The following ZNF202 variants were observed in gnomAD, a reference collection of about 807,000 sequenced individuals.
ZNF202 encodes zinc finger protein with KRAB and SCAN domains 10.
A neutral mutation model predicts 54.5 loss-of-function variants in ZNF202; 22 were observed. The observed-to-expected ratio is 0.40, with a 90% CI of 0.29 to 0.58. ZNF202 has a LOEUF of 0.58. Ranked by LOEUF, ZNF202 falls within the 20% of genes least tolerant of loss-of-function variation. ZNF202 has a pLI of 0.39. For synonymous variants in ZNF202, 294 were observed against 301.4 expected, an observed-to-expected ratio of 0.98 and a Z score of 0.26; for missense variants, 644 against 805.5, an observed-to-expected ratio of 0.80 and a Z score of 2.43.
In ZNF202 at chr11:123,725,875, G is replaced by A. The variant is rs572843136; in HGVS notation, c.*122C>T. On this transcript the variant is annotated 3_prime_UTR_variant, in exon 9 of 9. Coordinates refer to ENST00000530393, the MANE Select transcript of ZNF202 (RefSeq NM_003455.4). ...TTAGTTGCAGGAAGAGGTAATGTCAGATCTGAGCAGGTCAGGGAGACTCCC... is the reference window on the plus strand; with the variant it reads ...TTAGTTGCAGGAAGAGGTAATGTCAAATCTGAGCAGGTCAGGGAGACTCCC... 1 of 1,184,380 alleles carries A rather than the reference G, an allele frequency of 8.4e-7. No individual in the cohort carries two copies. The highest frequency in any genetic ancestry group is 1.2e-6 in the Non-Finnish European group (1 of 865,480). The allele number at this position is 1,184,380 out of a possible 1,614,324, so 73.4% of individuals were successfully genotyped here.
chr11:123,739,885 G>A (rs1207577014), intron 3 of ZNF202, among the ~76,000 whole-genome samples: 2 of 152,178 alleles, frequency 1.3e-5, no homozygotes, highest in African/African-American at 2.4e-5. Flanking sequence ...AGAAACTCTA[G>A]GGGTGGGCCC....
intron 3 of ZNF202, among the ~76,000 whole-genome samples, chr11:123,734,113 GAGAGAGAGACAGACACAC>G: frequency 6.6e-6 from 1 of 152,084 alleles, no homozygotes; most frequent in African/African-American, 2.4e-5. Context: ...GACAGAGAGA[GAGAGAGAGACAGACACAC>G]AGGGAGAGAC....
intron 1 of ZNF202, 113 bp from the exon 2 acceptor site, chr11:123,740,649 A>C (rs1003967363): frequency 6.6e-6 from 1 of 152,290 alleles, no homozygotes; most frequent in South Asian, 2.1e-4. Context: ...GGCTGGGTCT[A>C]AGAGTCTCCC....
Sources: gnomAD v4.1 joint callset for allele counts (sites outside exome capture counted in the v4.1 genomes callset) on GRCh38, gnomAD v4.1.1 for gene constraint, MANE v1.5 for transcripts, NCBI Gene and HGNC (gene_info 2026-07-23, HGNC 2026-07-21) for gene names.